The following ADAM17 variants were observed in gnomAD, a reference collection of about 807,000 sequenced individuals.
ADAM17 encodes the protein disintegrin and metalloproteinase domain-containing protein 17.
ADAM17 carries 39 observed loss-of-function variants against 96.7 expected under a neutral mutation model. That is an observed-to-expected ratio of 0.40 (90% CI 0.31 to 0.53). The LOEUF (loss-of-function observed/expected upper bound fraction) is 0.53. ADAM17 is among the 20% of genes least tolerant of loss of function. The pLI is 0.44. For missense variants in ADAM17, 777 were observed against 1,013.2 expected, an observed-to-expected ratio of 0.77 and a Z score of 3.17; for synonymous variants, 344 against 359.2, an observed-to-expected ratio of 0.96 and a Z score of 0.48.
At chr2:9,544,541 G>A (rs1054147620) in intron 1 of ADAM17, among the ~76,000 whole-genome samples, 1 of 147,876 alleles carries the variant, frequency 6.8e-6, no homozygotes, top group South Asian at 2.2e-4. Context: ...GGGGAAAAAA[G>A]GCCGGGCTGG....
intron 6 of ADAM17, 74 bp from the exon 7 acceptor site, chr2:9,523,412 T>C: frequency 7.7e-7 from 1 of 1,305,054 alleles, no homozygotes; most frequent in South Asian, 1.3e-5. Flanking sequence ...ATAAAATCTA[T>C]GGGGAAAGAA....
intron 4 of ADAM17, among the ~76,000 whole-genome samples, chr2:9,534,682 TA>T (rs1437786115): frequency 1.3e-5 from 2 of 152,188 alleles, no homozygotes; most frequent in Non-Finnish European, 2.9e-5. Context: ...ATAGTGGGTA[TA>T]ACTATATTTA....
At chr2:9,524,903 G>C (rs1436909775) in intron 6 of ADAM17, among the ~76,000 whole-genome samples, 1 of 152,180 alleles carries the variant, frequency 6.6e-6, no homozygotes, top group Non-Finnish European at 1.5e-5. Flanking sequence ...AAACTGGGTT[G>C]ATGAGGTTTG....
At position 9,536,738 on chromosome 2, in the gene ADAM17, G is replaced by A. The variant is rs576734742; in HGVS notation, c.321C>T (p.Tyr107=). 98 of 1,614,028 alleles carry A rather than the reference G, an allele frequency of 6.1e-5. 3 individuals are homozygous for A. The South Asian group carries it at 9.9e-4, about 16-fold the overall frequency. Residue 107 remains tyrosine, a synonymous_variant, in exon 3 of 19, where the codon TAC becomes TAT. Coordinates refer to ENST00000310823, the MANE Select transcript of ADAM17 (RefSeq NM_003183.6). Reference sequence around the variant, plus strand: ...TGAAGAAGTCCTGCCATTTTACAGTGTACTCGCTTTCGTTTTTACCATCCA... The same window carrying A: ...TGAAGAAGTCCTGCCATTTTACAGTATACTCGCTTTCGTTTTTACCATCCA... ...VVVDGKNESE[Y]TVKWQDFFTG... is the part of the protein sequence containing the mutation.
chr2:9,536,650 GA>G, intron 3 of ADAM17, 47 bp downstream of exon 3: 1 of 1,603,848 alleles, frequency 6.2e-7, no homozygotes, highest in Non-Finnish European at 8.5e-7. Flanking sequence ...TAGATTTGGA[GA>G]CCTAATACAC....
At chr2:9,516,203 T>C (rs1312766154) in intron 10 of ADAM17, among the ~76,000 whole-genome samples, 1 of 152,218 alleles carries the variant, frequency 6.6e-6, no homozygotes, top group Non-Finnish European at 1.5e-5. Flanking sequence ...TTCATTTTCT[T>C]ATTGTTGAAT....
At chr2:9,506,592 CTT>C (rs1402275424) in intron 11 of ADAM17, among the ~76,000 whole-genome samples, 2 of 151,906 alleles carry the variant, frequency 1.3e-5, no homozygotes, top group Admixed American at 6.6e-5. Flanking sequence ...GTCTCGATCT[CTT>C]GACCTCATGA....
At position 9,492,796 on chromosome 2, in the gene ADAM17, A is replaced by G. The variant is rs1662269862; in HGVS notation, c.2082+102T>C. ...AAAAAGCTATTGGAAATATCAGGCC[A>G]AACTTTGCTAAGAACAAGTTTTACC... On this transcript the variant is annotated intron_variant, in intron 17 of 18. Coordinates refer to ENST00000310823, the MANE Select transcript of ADAM17 (RefSeq NM_003183.6). 3 of 1,011,192 alleles carry G rather than the reference A, an allele frequency of 3.0e-6. No individual in the cohort carries two copies. In the African/African-American group the frequency reaches 5.0e-5, roughly 17 times the overall value. The allele number at this position is 1,011,192 out of a possible 1,614,324, so 62.6% of individuals were successfully genotyped here. A position where few individuals can be genotyped will look rare whatever the true frequency, so the allele number is the denominator to read the frequency against.
chr2:9,536,027 T>C, intron 3 of ADAM17, 105 bp from the exon 4 acceptor site: 1 of 643,432 alleles, frequency 1.6e-6, no homozygotes, highest in Non-Finnish European at 2.3e-6. Flanking sequence ...ATTTGCCTAG[T>C]ACTGTGAGAG....
rs1663335164 is a variant in ADAM17, at chr2:9,505,485, G to A, written c.1345-120C>T. 9.6e-6 allele frequency: 10 copies of A among 1,043,992 alleles called. No homozygotes were observed. The East Asian group carries it at 2.6e-4, about 27-fold the overall frequency. 64.7% of individuals were successfully genotyped at this position (1,043,992 alleles called of 1,614,324 possible). A position where few individuals can be genotyped will look rare whatever the true frequency, so the allele number is the denominator to read the frequency against. On this transcript the variant is annotated intron_variant, in intron 11 of 18. Coordinates refer to ENST00000310823, the MANE Select transcript of ADAM17 (RefSeq NM_003183.6). ...GTAAAACCACCATCAGAGCCACCCT[G>A]GAGTTATGGCAAGGCCACCACAGTC...
In ADAM17 at chr2:9,543,972, A is replaced by T. The variant is rs74708277; in HGVS notation, c.98-687T>A. On this transcript the variant is annotated intron_variant, in intron 1 of 18. Coordinates refer to ENST00000310823, the MANE Select transcript of ADAM17 (RefSeq NM_003183.6). The stretch of plus-strand genomic sequence containing the variant: ...TGGGTATCCCAATCACCCTGATTTG[A>T]TCACTACATATTATACACAGGTATC... Among the ~76,000 whole-genome samples the T allele has an allele frequency of 7.9e-4, 121 of 152,346 alleles. 2 individuals are homozygous for T. In the East Asian group the frequency reaches 0.021, roughly 27 times the overall value.
chr2:9,492,529 C>T (rs1662241415), intron 17 of ADAM17, among the ~76,000 whole-genome samples: 1 of 152,154 alleles, frequency 6.6e-6, no homozygotes, highest in East Asian at 1.9e-4. Flanking sequence ...TGGGGAACAT[C>T]TGAAATGCCG....
chr2:9,554,699 G>T (rs115533629), intron 1 of ADAM17, among the ~76,000 whole-genome samples: 73 of 152,154 alleles, frequency 4.8e-4, no homozygotes, highest in Non-Finnish European at 9.6e-4. Flanking sequence ...AAAAGTTCAC[G>T]CAAACTTACT....
At chr2:9,501,008 G>C (rs907402917) in intron 13 of ADAM17, among the ~76,000 whole-genome samples, 2 of 152,152 alleles carry the variant, frequency 1.3e-5, no homozygotes, top group African/African-American at 2.4e-5. Flanking sequence ...ACAACAAAAT[G>C]ATGGATTTGA....
At chr2:9,533,130 G>A (rs750253854) in intron 4 of ADAM17, among the ~76,000 whole-genome samples, 1 of 151,610 alleles carries the variant, frequency 6.6e-6, no homozygotes, top group Admixed American at 6.6e-5. Context: ...CAGAGGATGT[G>A]GTGAGCCGAG....
intron 4 of ADAM17, among the ~76,000 whole-genome samples, chr2:9,529,544 T>C (rs1021525336): frequency 6.6e-6 from 1 of 151,992 alleles, no homozygotes; most frequent in Non-Finnish European, 1.5e-5. Context: ...AAATAGACAG[T>C]AGATCCCTGG....
chr2:9,534,461 G>A (rs1664875588), intron 4 of ADAM17, among the ~76,000 whole-genome samples: 1 of 152,276 alleles, frequency 6.6e-6, no homozygotes, highest in African/African-American at 2.4e-5. Flanking sequence ...CCTGAACCGG[G>A]GAGGCAGAGG....
At chr2:9,504,969 G>A (rs1329931643) in intron 12 of ADAM17, among the ~76,000 whole-genome samples, 197 bp downstream of exon 12, 1 of 152,132 alleles carries the variant, frequency 6.6e-6, no homozygotes, top group Non-Finnish European at 1.5e-5. Context: ...CTCCCAGAGT[G>A]CTGGGATGAC....
intron 11 of ADAM17, among the ~76,000 whole-genome samples, chr2:9,506,308 T>C (rs1263626774): frequency 6.7e-6 from 1 of 148,340 alleles, no homozygotes; most frequent in African/African-American, 2.5e-5. Context: ...AGCAAAGACC[T>C]CATCTTACAC....
Sources: allele counts gnomAD v4.1 joint callset (sites outside exome capture counted in the v4.1 genomes callset), GRCh38; gene constraint gnomAD v4.1.1; transcripts MANE v1.5; gene names NCBI Gene and HGNC (gene_info 2026-07-23, HGNC 2026-07-21).